The following MBOAT4 variants were observed in gnomAD, a reference collection of about 807,000 sequenced individuals.
The protein encoded by MBOAT4 is membrane-bound ghrelin O-acyltransferase MBOAT4.
MBOAT4 carries 11 observed loss-of-function variants against 13.2 expected under a neutral mutation model. The ratio of observed to expected loss-of-function variants is 0.84; its 90% CI spans 0.53 to 1.38. The LOEUF (loss-of-function observed/expected upper bound fraction) is 1.38. MBOAT4 is among the 40% of genes most tolerant of loss of function. The pLI is 0.00. For synonymous variants in MBOAT4, 202 were observed against 210.3 expected (o/e 0.96, Z 0.34); for missense variants, 481 against 527.2 (o/e 0.91, Z 0.86).
intron 2 of MBOAT4, among the ~76,000 whole-genome samples, chr8:30,134,511 G>A (rs866415179): frequency 1.3e-5 from 2 of 151,518 alleles, no homozygotes. Flanking sequence ...TATTCCCACT[G>A]TAATGCCCAA....
Position 30,144,416 on chromosome 8 carries a change from G to A in MBOAT4, c.119+67C>T, listed in dbSNP as rs150658271. 95 of 1,214,008 alleles carry A rather than the reference G, an allele frequency of 7.8e-5. No individual in the cohort carries two copies. In the African/African-American group the frequency reaches 1.1e-3, roughly 14 times the overall value. 75.2% of individuals were successfully genotyped at this position (1,214,008 alleles called of 1,614,324 possible). The stretch of plus-strand genomic sequence containing the variant: ...CTCCCAAATTGCAGGGATTACGGGC[G>A]TGAGCCACCGCACCCAGTCACTATA... On this transcript the variant is annotated intron_variant, in intron 1 of 2. Transcript: ENST00000320542.
chr8:30,140,405 C>CT (rs1803243637), intron 1 of MBOAT4, among the ~76,000 whole-genome samples: 1 of 152,096 alleles, frequency 6.6e-6, no homozygotes, highest in Non-Finnish European at 1.5e-5. Context: ...AATCTGGACT[C>CT]TTTTTTGTCA....
At chr8:30,138,249 T>G (rs1803189865) in intron 2 of MBOAT4, 1 of 280,538 alleles carries the variant, frequency 3.6e-6, no homozygotes. Context: ...GAATTACTCT[T>G]TCTTTACTGC....
chr8:30,139,178 CT>C (rs1230258715), intron 1 of MBOAT4, among the ~76,000 whole-genome samples: 1 of 150,154 alleles, frequency 6.7e-6, no homozygotes, highest in African/African-American at 2.5e-5. Context: ...GTCTCAAACT[CT>C]TGGCCTCAAG....
intron 1 of MBOAT4, 89 bp from the exon 2 acceptor site, chr8:30,138,845 G>A: frequency 2.0e-6 from 2 of 989,174 alleles, no homozygotes; most frequent in South Asian, 1.5e-5. Flanking sequence ...AACCCGATCT[G>A]GTAGGCCCCA....
intron 2 of MBOAT4, among the ~76,000 whole-genome samples, chr8:30,135,906 C>T: frequency 1.0e-5 from 1 of 100,108 alleles, no homozygotes; most frequent in East Asian, 2.6e-4. Context: ...AGAGTGAGAC[C>T]TTGTCTGAAA....
At chr8:30,142,044 C>T (rs992538685) in intron 1 of MBOAT4, among the ~76,000 whole-genome samples, 1 of 152,202 alleles carries the variant, frequency 6.6e-6, no homozygotes, top group East Asian at 1.9e-4. Context: ...CAGCAACACT[C>T]CCACCCACAG....
intron 1 of MBOAT4, 136 bp from the exon 2 acceptor site, chr8:30,138,892 G>A (rs994933717): frequency 3.2e-6 from 2 of 618,728 alleles, no homozygotes; most frequent in Non-Finnish European, 5.7e-6. Context: ...TTGCACTCTG[G>A]GGCCTTCCTT....
At chr8:30,138,482 G>A (rs1275423648) in intron 2 of MBOAT4, 50 bp downstream of exon 2, 3 of 1,452,462 alleles carry the variant, frequency 2.1e-6, no homozygotes, top group East Asian at 2.5e-5. Flanking sequence ...CCACCGTGGT[G>A]CAAGCAAACT....
At chr8:30,136,505 C>A (rs1224209311) in intron 2 of MBOAT4, among the ~76,000 whole-genome samples, 2 of 152,170 alleles carry the variant, frequency 1.3e-5, no homozygotes, top group African/African-American at 4.8e-5. Context: ...GCAGCCCTGC[C>A]CGACTAGCAG....
chr8:30,142,714 C>T (rs893313119), intron 1 of MBOAT4, among the ~76,000 whole-genome samples: 2 of 152,096 alleles, frequency 1.3e-5, no homozygotes, highest in Non-Finnish European at 2.9e-5. Context: ...CTTATTTTTG[C>T]ACTCATGTTG....
chr8:30,137,506 C>T (rs1803175553), intron 2 of MBOAT4: 2 of 1,546,160 alleles, frequency 1.3e-6, no homozygotes, highest in African/African-American at 1.4e-5. Flanking sequence ...ACAATGACAA[C>T]TACTGCTCAG....
chr8:30,138,116 C>T (rs184535520), intron 2 of MBOAT4: 2 of 171,302 alleles, frequency 1.2e-5, no homozygotes, highest in East Asian at 3.0e-4. Context: ...CTGGCCTCCC[C>T]CTACCCACCA....
At position 30,132,212 on chromosome 8, in the gene MBOAT4, C is replaced by A; in HGVS notation, c.1039G>T (p.Gly347Cys). ...ACCATCACGGCCCAGCAAACGAAAC[C>A]AAACACCTGTCCTGGATGGAGTCCA... The part of the protein sequence containing the change: ...WHGLHPGQVF[G>C]FVCWAVMVEA... The change falls in exon 3 of 3, where the codon GGT becomes TGT. Residue 347 changes from glycine (G) to cysteine (C), a missense_variant. Gly to Cys is a radical substitution (Grantham distance 159). Coordinates refer to ENST00000320542, the MANE Select transcript of MBOAT4 (RefSeq NM_001100916.2). The A allele has an allele frequency of 6.4e-7, 1 of 1,551,864 alleles. No individual in the cohort carries two copies. Among genetic ancestry groups the A allele is most frequent in the Non-Finnish European group, 8.7e-7 (1 of 1,147,028 alleles).
chr8:30,142,488 C>T (rs374525378), intron 1 of MBOAT4, among the ~76,000 whole-genome samples: 1 of 152,162 alleles, frequency 6.6e-6, no homozygotes, highest in African/African-American at 2.4e-5. Context: ...CCTAAGTAGC[C>T]GGGACTACAG....
chr8:30,137,436 AC>A, intron 2 of MBOAT4: 3 of 1,551,670 alleles, frequency 1.9e-6, no homozygotes, highest in Non-Finnish European at 2.6e-6. Flanking sequence ...GTGCTGAGTC[AC>A]TTCTGGGCAG....
At chr8:30,144,351 T>A in intron 1 of MBOAT4, 132 bp downstream of exon 1, 1 of 598,618 alleles carries the variant, frequency 1.7e-6, no homozygotes, top group Non-Finnish European at 2.9e-6. Flanking sequence ...GGCCAGGCAG[T>A]TCTCAAACCC....
At chr8:30,134,129 A>T (rs1803088131) in intron 2 of MBOAT4, among the ~76,000 whole-genome samples, 1 of 152,230 alleles carries the variant, frequency 6.6e-6, no homozygotes, top group Non-Finnish European at 1.5e-5. Flanking sequence ...TCTCTTAAAA[A>T]ACTTTCTCTT....
intron 1 of MBOAT4, among the ~76,000 whole-genome samples, chr8:30,141,391 T>G (rs1490331972): frequency 2.0e-5 from 3 of 151,972 alleles, no homozygotes; most frequent in Non-Finnish European, 4.4e-5. Context: ...TCCCAGCACT[T>G]TGGGAGGCTG....
Sources: allele counts gnomAD v4.1 joint callset (sites outside exome capture counted in the v4.1 genomes callset), GRCh38; gene constraint gnomAD v4.1.1; transcripts MANE v1.5; gene names NCBI Gene and HGNC (gene_info 2026-07-23, HGNC 2026-07-21).